The following SLC7A2 variants were observed in gnomAD, a reference collection of about 807,000 sequenced individuals.
The protein encoded by SLC7A2 is cationic amino acid transporter 2.
In SLC7A2, 48 loss-of-function variants were observed where a neutral mutation model predicts 58.9. The observed-to-expected ratio is 0.82, with a 90% CI of 0.65 to 1.04. The LOEUF is 1.04. Ranked by LOEUF, SLC7A2 falls within the 50% of genes least tolerant of loss-of-function variation. SLC7A2 has a pLI of 0.00. For synonymous variants in SLC7A2, 363 were observed against 314.5 expected, an observed-to-expected ratio of 1.15 and a Z score of -1.63; for missense variants, 1,029 against 818.8, an observed-to-expected ratio of 1.26 and a Z score of -3.13.
At chr8:17,514,277 A>G (rs984300374) in intron 2 of SLC7A2, among the ~76,000 whole-genome samples, 2 of 152,168 alleles carry the variant, frequency 1.3e-5, no homozygotes, top group African/African-American at 4.8e-5. Flanking sequence ...AAAAAAATAC[A>G]GTGTGTCCCA....
intron 2 of SLC7A2, chr8:17,538,689 A>C: frequency 1.0e-6 from 1 of 955,304 alleles, no homozygotes; most frequent in South Asian, 1.6e-5. Flanking sequence ...GGGTTTGGAC[A>C]TTGCAAAATA....
chr8:17,541,120 C>G (rs951507048), intron 2 of SLC7A2, among the ~76,000 whole-genome samples: 1 of 152,068 alleles, frequency 6.6e-6, no homozygotes, highest in Non-Finnish European at 1.5e-5. Flanking sequence ...GGCAGTGGTT[C>G]CTACTCCTTG....
chr8:17,516,217 A>T (rs183965452), intron 2 of SLC7A2, among the ~76,000 whole-genome samples: 71 of 102,388 alleles, frequency 6.9e-4, no homozygotes, highest in Non-Finnish European at 9.9e-4. Flanking sequence ...TATTTATTTA[A>T]TTAATTAATT....
At chr8:17,545,135 A>G (rs1802101979) in intron 4 of SLC7A2, among the ~76,000 whole-genome samples, 2 of 152,192 alleles carry the variant, frequency 1.3e-5, no homozygotes, top group South Asian at 2.1e-4. Context: ...AGTTTTTGTC[A>G]GTATTGTAGC....
chr8:17,501,534 A>T (rs1289324428), intron 1 of SLC7A2, among the ~76,000 whole-genome samples: 2 of 152,016 alleles, frequency 1.3e-5, no homozygotes, highest in Non-Finnish European at 2.9e-5. Flanking sequence ...CTCTCTTCAG[A>T]GACATGTGGT....
At chr8:17,543,209 C>G (rs1183258780) in intron 2 of SLC7A2, 109 bp from the exon 3 acceptor site, 3 of 979,602 alleles carry the variant, frequency 3.1e-6, no homozygotes, top group Non-Finnish European at 4.5e-6. Flanking sequence ...CACACACACA[C>G]ACACACAAAC....
In SLC7A2 at chr8:17,551,454, A is replaced by C. The variant is rs560057006; in HGVS notation, c.833-310A>C. 1.3e-3 allele frequency among the ~76,000 whole-genome samples: 196 copies of C among 152,200 alleles called. 1 individual carries two copies. Among genetic ancestry groups the C allele is most frequent in the Non-Finnish European group, 1.7e-3 (117 of 68,008 alleles). On this transcript the variant is annotated intron_variant, in intron 6 of 12. Transcript: ENST00000494857. ...CTCTACTAAAATACAAAAATTAGCC[A>C]GGTGTGGTGGCGCACACCCGTGGTC...
intron 2 of SLC7A2, among the ~76,000 whole-genome samples, chr8:17,527,093 A>C (rs1294799446): frequency 1.3e-5 from 2 of 152,120 alleles, no homozygotes; most frequent in East Asian, 3.8e-4. Flanking sequence ...AACATAGAAG[A>C]CCTGCTTTTC....
At chr8:17,534,694 G>GGAAAAAAAA (rs1491562538) in intron 2 of SLC7A2, among the ~76,000 whole-genome samples, 1 of 128,356 alleles carries the variant, frequency 7.8e-6, no homozygotes. Context: ...GTTTCAAATG[G>GGAAAAAAAA]AAAAAAAAAA....
intron 7 of SLC7A2, among the ~76,000 whole-genome samples, chr8:17,553,377 G>A (rs577018138): frequency 6.6e-6 from 1 of 152,244 alleles, no homozygotes; most frequent in Non-Finnish European, 1.5e-5. Context: ...ATAGCTTCAA[G>A]TAATTTCAAA....
chr8:17,527,745 A>G (rs1801276636), intron 2 of SLC7A2, among the ~76,000 whole-genome samples: 1 of 152,150 alleles, frequency 6.6e-6, no homozygotes, highest in East Asian at 1.9e-4. Flanking sequence ...TCTTCTTATA[A>G]GGACACCAGT....
intron 11 of SLC7A2, 30 bp downstream of exon 11, chr8:17,562,140 A>G: frequency 6.5e-7 from 1 of 1,545,908 alleles, no homozygotes. Flanking sequence ...GAGACCCAAA[A>G]TACTGTATTC....
chr8:17,496,888 A>C (rs928883070), upstream of SLC7A2, among the ~76,000 whole-genome samples: 2 of 151,564 alleles, frequency 1.3e-5, no homozygotes, highest in Admixed American at 1.3e-4. Flanking sequence ...GCGCCCGCCC[A>C]CGTGTGCTCG....
chr8:17,558,524 C>T, intron 9 of SLC7A2, 127 bp downstream of exon 9: 1 of 537,964 alleles, frequency 1.9e-6, no homozygotes, highest in Non-Finnish European at 3.4e-6. Flanking sequence ...TCACATCTAA[C>T]AAAATAGCAA....
Position 17,565,530 on chromosome 8 carries a change from G to C in SLC7A2, c.*384G>C. On this transcript the variant is annotated 3_prime_UTR_variant, in exon 13 of 13. Coordinates refer to ENST00000494857, the MANE Select transcript of SLC7A2 (RefSeq NM_001370338.1). Reference sequence around the variant, plus strand: ...TATACTGCACATACTGAAATAGAGGGAAATCACTGAATGTAAAGAGGTTTC... The same window carrying C: ...TATACTGCACATACTGAAATAGAGGCAAATCACTGAATGTAAAGAGGTTTC... The C allele has an allele frequency of 6.2e-6, 1 of 161,020 alleles. No homozygotes were observed. Among genetic ancestry groups the C allele is most frequent in the Admixed American group, 6.1e-5 (1 of 16,358 alleles). 10.0% of individuals were successfully genotyped at this position (161,020 alleles called of 1,614,324 possible). A position where few individuals can be genotyped will look rare whatever the true frequency, so the allele number is the denominator to read the frequency against.
chr8:17,554,417 T>TA (rs1347975888), intron 7 of SLC7A2, 143 bp from the exon 8 acceptor site: 3 of 633,216 alleles, frequency 4.7e-6, no homozygotes, highest in Non-Finnish European at 4.7e-6. Flanking sequence ...ATTTAAAAAA[T>TA]AATGACATAA....
At chr8:17,500,235 T>G (rs1032523503) in intron 1 of SLC7A2, 2 of 152,206 alleles carry the variant, frequency 1.3e-5, no homozygotes, top group Non-Finnish European at 2.9e-5. Context: ...AGCAAGTAAT[T>G]TACATGCTCT....
At chr8:17,538,670 A>G in intron 2 of SLC7A2, 2 of 724,658 alleles carry the variant, frequency 2.8e-6, no homozygotes, top group African/African-American at 1.8e-5. Flanking sequence ...TTAACATTGT[A>G]GAAACGTTGG....
chr8:17,558,025 T>A (rs1340533120), intron 8 of SLC7A2, among the ~76,000 whole-genome samples: 1 of 152,198 alleles, frequency 6.6e-6, no homozygotes, highest in African/African-American at 2.4e-5. Flanking sequence ...GTTTTCACTC[T>A]TTGTCAGGCC....
Sources: allele counts gnomAD v4.1 joint callset (sites outside exome capture counted in the v4.1 genomes callset), GRCh38; gene constraint gnomAD v4.1.1; transcripts MANE v1.5; gene names NCBI Gene and HGNC (gene_info 2026-07-23, HGNC 2026-07-21).